MPP7: variants seen among roughly 807,000 people sequenced by gnomAD.
MPP7 encodes the protein MAGUK p55 subfamily member 7.
MPP7 carries 60 observed loss-of-function variants against 76.5 expected under a neutral mutation model. That is an observed-to-expected ratio of 0.78 (90% CI 0.64 to 0.97). The LOEUF is 0.97. MPP7 is among the 50% of genes least tolerant of loss of function. The pLI is 0.00. For synonymous variants in MPP7, 237 were observed against 244.5 expected (o/e 0.97, Z 0.29); for missense variants, 641 against 694.0 (o/e 0.92, Z 0.86).
chr10:28,305,905 A>G (rs781234493), upstream of MPP7: 9 of 152,242 alleles, frequency 5.9e-5, no homozygotes, highest in Non-Finnish European at 8.8e-5. Context: ...TCCAGCAACA[A>G]AAGACACTGA....
At chr10:28,130,106 T>C (rs142905366) in intron 6 of MPP7, among the ~76,000 whole-genome samples, 2,190 of 152,082 alleles carry the variant, frequency 0.014, 53 homozygotes, top group African/African-American at 0.05. Context: ...AAGTATTAAC[T>C]AGAATATAAA....
intron 13 of MPP7, among the ~76,000 whole-genome samples, chr10:28,066,559 TTAA>T (rs1851995134): frequency 6.6e-6 from 1 of 152,128 alleles, no homozygotes; most frequent in Non-Finnish European, 1.5e-5. Flanking sequence ...TTTTTAACAT[TTAA>T]AGCCTGAGTA....
chr10:28,328,143 A>G (rs1169237743), intron 2 of MPP7, among the ~76,000 whole-genome samples: 1 of 152,200 alleles, frequency 6.6e-6, no homozygotes, highest in Non-Finnish European at 1.5e-5. Context: ...AAAAAATCTC[A>G]GCTCAGTCAG....
chr10:28,159,989 ATC>A (rs1836203383), intron 3 of MPP7, among the ~76,000 whole-genome samples: 1 of 152,220 alleles, frequency 6.6e-6, no homozygotes, highest in Non-Finnish European at 1.5e-5. Flanking sequence ...AAAGCTGGCA[ATC>A]TCAGAGTGGC....
chr10:28,094,569 A>C (rs1853474550), intron 11 of MPP7, among the ~76,000 whole-genome samples: 1 of 152,176 alleles, frequency 6.6e-6, no homozygotes, highest in Non-Finnish European at 1.5e-5. Context: ...CCAACTACTT[A>C]AAAGAACCTT....
At chr10:28,185,071 G>A (rs934569289) in intron 3 of MPP7, among the ~76,000 whole-genome samples, 15 of 147,840 alleles carry the variant, frequency 1.0e-4, no homozygotes, top group African/African-American at 3.7e-4. Context: ...GTTTATGCCT[G>A]TAATCCCAGC....
intron 1 of MPP7, among the ~76,000 whole-genome samples, chr10:28,287,619 G>T (rs1162577573): frequency 6.6e-6 from 1 of 151,992 alleles, no homozygotes. Context: ...GTATACATTT[G>T]TCCAAACTCA....
At chr10:28,172,982 T>C (rs941425495) in intron 3 of MPP7, among the ~76,000 whole-genome samples, 6 of 152,124 alleles carry the variant, frequency 3.9e-5, no homozygotes, top group Admixed American at 3.9e-4. Flanking sequence ...TATTCAACCA[T>C]CCTATGAATA....
intron 3 of MPP7, among the ~76,000 whole-genome samples, chr10:28,155,056 CA>C (rs1361343232): frequency 3.9e-5 from 6 of 152,100 alleles, no homozygotes; most frequent in Non-Finnish European, 5.9e-5. Flanking sequence ...TACATTTTAA[CA>C]AACATTAAAA....
chr10:28,093,184 G>C (rs1853402317), intron 11 of MPP7, among the ~76,000 whole-genome samples: 1 of 152,094 alleles, frequency 6.6e-6, no homozygotes, highest in South Asian at 2.1e-4. Context: ...TGCCTCATGA[G>C]AGGCAATTAC....
intron 3 of MPP7, among the ~76,000 whole-genome samples, chr10:28,179,467 ATAT>A (rs1166544792): frequency 6.6e-6 from 1 of 152,228 alleles, no homozygotes; most frequent in Non-Finnish European, 1.5e-5. Context: ...AATACATTTT[ATAT>A]AAATGAGCCA....
chr10:28,055,998 T>C (rs1386575779), intron 16 of MPP7, among the ~76,000 whole-genome samples: 2 of 152,370 alleles, frequency 1.3e-5, no homozygotes, highest in African/African-American at 4.8e-5. Context: ...TCTTCCCAAG[T>C]ACATGCAGCT....
chr10:28,127,190 C>G (rs1350380979), intron 6 of MPP7, among the ~76,000 whole-genome samples: 1 of 152,182 alleles, frequency 6.6e-6, no homozygotes, highest in Non-Finnish European at 1.5e-5. Context: ...GTTTGTTATA[C>G]TTAATGCTAG....
intron 2 of MPP7, among the ~76,000 whole-genome samples, chr10:28,316,350 G>A (rs893687017): frequency 1.8e-4 from 26 of 144,712 alleles, no homozygotes; most frequent in Non-Finnish European, 3.1e-4. Flanking sequence ...CAGAAGAATC[G>A]CTTGAACCCA....
intron 13 of MPP7, 68 bp downstream of exon 13, chr10:28,069,704 A>G: frequency 3.8e-6 from 5 of 1,312,034 alleles, no homozygotes; most frequent in South Asian, 3.3e-5. Context: ...ATTTTTTAAA[A>G]TAATTTTTTA....
rs35571821 is a variant in MPP7, at chr10:28,196,480, GAA to G, written c.156+5671_156+5672del. Among the ~76,000 whole-genome samples, 1,094 of 131,412 alleles carry G rather than the reference GAA, an allele frequency of 8.3e-3. 11 individuals are homozygous for G. The highest frequency in any genetic ancestry group is 0.022 in the African/African-American group (768 of 35,370). 86.2% of individuals were successfully genotyped at this position (131,412 alleles called of 152,430 possible). On this transcript the variant is annotated intron_variant, in intron 3 of 16. Coordinates refer to ENST00000683449, the MANE Select transcript of MPP7 (RefSeq NM_001318170.2). ...GGGTGACACAGCGAGACTCCATCTCGAAAAAAAAAAAAAAAAGATTCACACAT... is the reference window on the plus strand; with the variant it reads ...GGGTGACACAGCGAGACTCCATCTCGAAAAAAAAAAAAAAGATTCACACAT...
intron 4 of MPP7, among the ~76,000 whole-genome samples, chr10:28,149,206 C>T (rs73608046): frequency 0.014 from 2,100 of 152,160 alleles, 36 homozygotes; most frequent in African/African-American, 0.046. Context: ...TATAGCTTGT[C>T]TTAAAAAATA....
intron 1 of MPP7, among the ~76,000 whole-genome samples, chr10:28,288,072 A>T (rs1384821325): frequency 6.6e-6 from 1 of 152,180 alleles, no homozygotes; most frequent in Non-Finnish European, 1.5e-5. Context: ...ATCACAACAG[A>T]TTGAATGCAG....
chr10:28,142,094 T>A lies in MPP7; in HGVS notation c.315+5389A>T, dbSNP rs547653977. ...CCAAAAGAAAATAGGAAAGACAATT[T>A]TCGTAAACTCATCATGAAGAATACA... On this transcript the variant is annotated intron_variant, in intron 5 of 16. Transcript: ENST00000683449. Among the ~76,000 whole-genome samples, 11 of 152,226 alleles carry A rather than the reference T, an allele frequency of 7.2e-5. No homozygotes were observed. In the East Asian group the frequency reaches 2.1e-3, roughly 29 times the overall value.
Sources: gnomAD v4.1 joint callset for allele counts (sites outside exome capture counted in the v4.1 genomes callset) on GRCh38, gnomAD v4.1.1 for gene constraint, MANE v1.5 for transcripts, NCBI Gene and HGNC (gene_info 2026-07-23, HGNC 2026-07-21) for gene names.